Variants in SLC9A9 observed in about 807,000 individuals in gnomAD.
SLC9A9 encodes the protein sodium/hydrogen exchanger 9.
SLC9A9 carries 62 observed loss-of-function variants against 77.8 expected under a neutral mutation model. The observed-to-expected ratio is 0.80, with a 90% CI of 0.65 to 0.98. The LOEUF is 0.98. Ranked by LOEUF, SLC9A9 falls within the 50% of genes least tolerant of loss-of-function variation. The pLI is 0.00. For synonymous variants in SLC9A9, 320 were observed against 283.5 expected (o/e 1.13, Z -1.29); for missense variants, 775 against 774.9 (o/e 1.00, Z 0.00).
At chr3:143,330,051 T>G (rs569547531) in intron 14 of SLC9A9, among the ~76,000 whole-genome samples, 3 of 152,290 alleles carry the variant, frequency 2.0e-5, no homozygotes, top group African/African-American at 7.2e-5. Flanking sequence ...TTGGCCTGGC[T>G]GTGACCTCCC....
chr3:143,730,217 A>G (rs1934765480), intron 4 of SLC9A9, among the ~76,000 whole-genome samples: 1 of 152,122 alleles, frequency 6.6e-6, no homozygotes, highest in Non-Finnish European at 1.5e-5. Flanking sequence ...AAAGCGTGGT[A>G]TTTTGGGGAC....
At chr3:143,394,477 C>T (rs1293759056) in intron 12 of SLC9A9, among the ~76,000 whole-genome samples, 1 of 152,164 alleles carries the variant, frequency 6.6e-6, no homozygotes, top group Non-Finnish European at 1.5e-5. Context: ...CTATCTATGA[C>T]AAACCCACAG....
At chr3:143,511,877 A>G (rs2036121106) in intron 9 of SLC9A9, among the ~76,000 whole-genome samples, 1 of 152,236 alleles carries the variant, frequency 6.6e-6, no homozygotes, top group African/African-American at 2.4e-5. Flanking sequence ...CTAGAAAATA[A>G]TAGTCATTCT....
intron 6 of SLC9A9, among the ~76,000 whole-genome samples, chr3:143,613,245 A>G (rs1483038822): frequency 6.6e-6 from 1 of 152,236 alleles, no homozygotes; most frequent in Admixed American, 6.5e-5. Context: ...CTTTTCAAAA[A>G]GCATCTTAGA....
intron 12 of SLC9A9, among the ~76,000 whole-genome samples, chr3:143,406,163 T>G (rs2033974502): frequency 6.6e-6 from 1 of 152,228 alleles, no homozygotes; most frequent in Admixed American, 6.5e-5. Context: ...ATTTTAGTTT[T>G]GGGGTTTCTC....
chr3:143,578,506 G>A lies in SLC9A9; in HGVS notation c.894+79C>T, dbSNP rs16853853. 2,012 of 1,602,856 alleles carry A rather than the reference G, an allele frequency of 1.3e-3. 26 individuals are homozygous for A. In the African/African-American group the frequency reaches 0.024, roughly 19 times the overall value. On this transcript the variant is annotated intron_variant, in intron 7 of 15. Transcript: ENST00000316549. Reference sequence around the variant, plus strand: ...TATCTAGCCTTTTATGGGCCTGGAGGTTGTCCATCATCAGAAATATTCCAT... The same window carrying A: ...TATCTAGCCTTTTATGGGCCTGGAGATTGTCCATCATCAGAAATATTCCAT...
chr3:143,571,074 C>T (rs1028750669), intron 8 of SLC9A9, among the ~76,000 whole-genome samples: 4 of 152,060 alleles, frequency 2.6e-5, no homozygotes, highest in East Asian at 3.8e-4. Flanking sequence ...TATGGGTAGG[C>T]GGCCGAGAGC....
intron 9 of SLC9A9, among the ~76,000 whole-genome samples, chr3:143,521,283 C>T (rs1485196061): frequency 6.6e-6 from 1 of 151,944 alleles, no homozygotes; most frequent in Non-Finnish European, 1.5e-5. Context: ...TAGCAGCTAC[C>T]CTTTTTCAGG....
intron 14 of SLC9A9, among the ~76,000 whole-genome samples, chr3:143,327,815 G>C (rs930191819): frequency 3.3e-5 from 5 of 152,112 alleles, no homozygotes; most frequent in African/African-American, 9.7e-5. Flanking sequence ...AGATTTTCCA[G>C]GCTAAAGGAA....
intron 14 of SLC9A9, among the ~76,000 whole-genome samples, chr3:143,271,205 G>A (rs776481874): frequency 1.3e-5 from 2 of 152,170 alleles, no homozygotes; most frequent in Non-Finnish European, 2.9e-5. Context: ...AGATAAGGGG[G>A]TACAACTATA....
intron 4 of SLC9A9, among the ~76,000 whole-genome samples, chr3:143,774,151 T>C (rs557571046): frequency 6.6e-6 from 1 of 152,252 alleles, no homozygotes; most frequent in Non-Finnish European, 1.5e-5. Flanking sequence ...TATGTACTTA[T>C]GCTACTACGT....
intron 13 of SLC9A9, among the ~76,000 whole-genome samples, chr3:143,375,766 C>T (rs542807597): frequency 2.0e-5 from 3 of 152,292 alleles, no homozygotes; most frequent in East Asian, 1.9e-4. Flanking sequence ...TTATTGTTCA[C>T]GCCTCTGAGA....
chr3:143,652,751 C>T (rs1249592458), intron 5 of SLC9A9, among the ~76,000 whole-genome samples: 1 of 147,724 alleles, frequency 6.8e-6, no homozygotes, highest in Non-Finnish European at 1.5e-5. Flanking sequence ...TCCTCGTCCA[C>T]TTGCTACCAT....
chr3:143,719,301 A>G (rs1165833196), intron 4 of SLC9A9, among the ~76,000 whole-genome samples: 2 of 152,222 alleles, frequency 1.3e-5, no homozygotes, highest in East Asian at 1.9e-4. Flanking sequence ...TGTGGGATGC[A>G]GTGGCCCAGG....
At chr3:143,285,045 T>C (rs941868758) in intron 14 of SLC9A9, among the ~76,000 whole-genome samples, 4 of 152,216 alleles carry the variant, frequency 2.6e-5, no homozygotes, top group African/African-American at 9.6e-5. Context: ...GCTCCTGCTA[T>C]TCTTGTCCCC....
chr3:143,544,970 G>T (rs1370041945), intron 9 of SLC9A9, among the ~76,000 whole-genome samples: 2 of 152,074 alleles, frequency 1.3e-5, no homozygotes, highest in Non-Finnish European at 2.9e-5. Flanking sequence ...AAGACCAGAT[G>T]GGTGTAGTAG....
rs192132850 is a variant in SLC9A9, at chr3:143,309,391, A to G, written c.1605-40411T>C. Among the ~76,000 whole-genome samples, 178 of 146,538 alleles carry G rather than the reference A, an allele frequency of 1.2e-3. 1 individual carries two copies. The highest frequency in any genetic ancestry group is 4.5e-3 in the African/African-American group (172 of 38,628). ...GTGCTTTGCAATTATTCTTTGAGTA[A>G]TTTATCATAAAAATAAACAGAAAAG... On this transcript the variant is annotated intron_variant, in intron 14 of 15. Transcript: ENST00000316549.
chr3:143,626,673 G>A (rs1229051813), intron 6 of SLC9A9: 1 of 151,964 alleles, frequency 6.6e-6, no homozygotes, highest in Non-Finnish European at 1.5e-5. Context: ...GTTAAATGAC[G>A]AGTTACTGGG....
At chr3:143,515,918 T>A (rs1378222761) in intron 9 of SLC9A9, among the ~76,000 whole-genome samples, 1 of 152,236 alleles carries the variant, frequency 6.6e-6, no homozygotes. Flanking sequence ...CATTTCTCTT[T>A]TGTCTTTTCT....
Sources: allele counts gnomAD v4.1 joint callset (sites outside exome capture counted in the v4.1 genomes callset), GRCh38; gene constraint gnomAD v4.1.1; transcripts MANE v1.5; gene names NCBI Gene and HGNC (gene_info 2026-07-23, HGNC 2026-07-21).